Variants in UTRN observed in about 807,000 individuals in gnomAD.
UTRN encodes utrophin, also known as dystrophin-related protein 1.
UTRN carries 283 observed loss-of-function variants against 463.9 expected under a neutral mutation model. That is an observed-to-expected ratio of 0.61 (90% CI 0.55 to 0.67). UTRN has a LOEUF of 0.67. Ranked by LOEUF, UTRN falls within the 30% of genes least tolerant of loss-of-function variation. The probability of loss-of-function intolerance (pLI) is 0.00; values close to 1 mark genes in which losing one functional copy is unlikely to be tolerated. For synonymous variants in UTRN, 1,442 were observed against 1,431.5 expected (o/e 1.01, Z -0.17); for missense variants, 3,922 against 4,084.3 (o/e 0.96, Z 1.08).
chr6:144,623,801 A>G (rs1376417235), intron 51 of UTRN, among the ~76,000 whole-genome samples: 1 of 152,220 alleles, frequency 6.6e-6, no homozygotes, highest in Non-Finnish European at 1.5e-5. Context: ...TCTTGGGAAA[A>G]TTATCCTGCA....
chr6:144,794,274 C>T (rs921013017), intron 63 of UTRN, among the ~76,000 whole-genome samples: 13 of 152,086 alleles, frequency 8.5e-5, no homozygotes, highest in African/African-American at 3.1e-4. Context: ...CCTACCATTC[C>T]TCTCCTTGCT....
At position 144,436,048 on chromosome 6, in the gene UTRN, C is replaced by T. The variant is rs756346725; in HGVS notation, c.969C>T (p.Thr323=). ...AGATTGCGTTGGAGGAAGTGCTGACCTGGTTGCTTTCTGCTGAGGACACTT... is the reference window on the plus strand; with the variant it reads ...AGATTGCGTTGGAGGAAGTGCTGACTTGGTTGCTTTCTGCTGAGGACACTT... The part of the protein sequence containing the change: ...SYQIALEEVL[T]WLLSAEDTFQ... The change falls in exon 10 of 75, where the codon ACC becomes ACT. Residue 323 remains threonine, a synonymous_variant. Coordinates refer to ENST00000367545, the MANE Select transcript of UTRN (RefSeq NM_007124.3). 2 of 1,614,208 alleles carry T rather than the reference C, an allele frequency of 1.2e-6. No individual in the cohort carries two copies. Among genetic ancestry groups the T allele is most frequent in the South Asian group, 2.2e-5 (2 of 91,080 alleles).
chr6:144,660,193 G>T, intron 51 of UTRN: 1 of 470,654 alleles, frequency 2.1e-6, no homozygotes, highest in South Asian at 1.5e-5. Flanking sequence ...GAAGTTTGCC[G>T]GAAAGATGTA....
chr6:144,292,559 C>T (rs1353859308), intron 2 of UTRN, among the ~76,000 whole-genome samples: 6 of 152,046 alleles, frequency 3.9e-5, no homozygotes, highest in African/African-American at 9.7e-5. Context: ...TTTTAAAAAA[C>T]GCAGATGCAT....
At chr6:144,749,888 A>T (rs1458580239) in intron 55 of UTRN, among the ~76,000 whole-genome samples, 1 of 152,170 alleles carries the variant, frequency 6.6e-6, no homozygotes, top group African/African-American at 2.4e-5. Flanking sequence ...TTTGAAATAA[A>T]ATAGGCTATT....
intron 45 of UTRN, among the ~76,000 whole-genome samples, chr6:144,540,338 C>T (rs1374037980): frequency 3.3e-5 from 5 of 152,028 alleles, no homozygotes; most frequent in East Asian, 1.9e-4. Context: ...ATGGATATGT[C>T]TCTGTCCTTG....
intron 2 of UTRN, among the ~76,000 whole-genome samples, chr6:144,382,764 G>A (rs930416867): frequency 1.3e-5 from 2 of 152,188 alleles, no homozygotes; most frequent in African/African-American, 2.4e-5. Flanking sequence ...TTAGCCCTGT[G>A]TCTGGCACAT....
chr6:144,581,815 A>G (rs907791899), intron 51 of UTRN, among the ~76,000 whole-genome samples: 1 of 152,220 alleles, frequency 6.6e-6, no homozygotes, highest in African/African-American at 2.4e-5. Context: ...TACCTCAGAA[A>G]GAAACCCCTT....
intron 50 of UTRN, among the ~76,000 whole-genome samples, chr6:144,567,957 A>G (rs1021861684): frequency 3.3e-5 from 5 of 152,200 alleles, no homozygotes; most frequent in African/African-American, 1.2e-4. Flanking sequence ...AGTATTATTT[A>G]ACATCTTTAA....
chr6:144,525,319 C>CT (rs928176184), intron 41 of UTRN, among the ~76,000 whole-genome samples: 1 of 151,504 alleles, frequency 6.6e-6, no homozygotes, highest in African/African-American at 2.4e-5. Context: ...GGGTCCTGGG[C>CT]TTTTTTTTGC....
intron 51 of UTRN, among the ~76,000 whole-genome samples, chr6:144,595,307 TA>T (rs1803527396): frequency 6.6e-6 from 1 of 152,198 alleles, no homozygotes. Context: ...TTCCTATGAA[TA>T]AAAACAACAA....
chr6:144,473,108 C>T (rs1790838373), intron 23 of UTRN, among the ~76,000 whole-genome samples: 1 of 152,170 alleles, frequency 6.6e-6, no homozygotes, highest in Admixed American at 6.5e-5. Context: ...GTTACCTTCT[C>T]TCTAAAGTCT....
intron 73 of UTRN, among the ~76,000 whole-genome samples, chr6:144,844,201 A>C (rs1234286955): frequency 6.6e-6 from 1 of 152,164 alleles, no homozygotes; most frequent in East Asian, 1.9e-4. Context: ...AAACCTTTTA[A>C]AAATTGATGC....
intron 2 of UTRN, among the ~76,000 whole-genome samples, chr6:144,344,568 C>T (rs943997719): frequency 1.3e-5 from 2 of 152,182 alleles, no homozygotes; most frequent in South Asian, 2.1e-4. Context: ...CTTCCAGGAT[C>T]CCTATATTTG....
At position 144,499,281 on chromosome 6, in the gene UTRN, G is replaced by A; in HGVS notation, c.4618G>A (p.Glu1540Lys). 7 of 1,612,482 alleles carry A rather than the reference G, an allele frequency of 4.3e-6. No homozygotes were observed. Among genetic ancestry groups the A allele is most frequent in the Non-Finnish European group, 5.9e-6 (7 of 1,178,950 alleles). The change falls in exon 34 of 75, where the codon GAA becomes AAA. Residue 1540 changes from glutamate to lysine, a missense_variant. Glu to Lys is a moderately conservative substitution (Grantham distance 56, BLOSUM62 1). This residue lies in a region of UTRN where 2,349 missense variants were observed against 2,303.8 expected (regional missense o/e 1.02). Coordinates refer to ENST00000367545, the MANE Select transcript of UTRN (RefSeq NM_007124.3). ...GGTGACAGAAGGAAAACAGGATCTGGAAAGAGCATCACAGTTGGCCCGGAA... is the reference window on the plus strand; with the variant it reads ...GGTGACAGAAGGAAAACAGGATCTGAAAAGAGCATCACAGTTGGCCCGGAA... ...AQVTEGKQDL[E>K]RASQLARKMK...
intron 73 of UTRN, among the ~76,000 whole-genome samples, chr6:144,841,575 T>A (rs1781578550): frequency 6.6e-6 from 1 of 152,144 alleles, no homozygotes; most frequent in Non-Finnish European, 1.5e-5. Flanking sequence ...AATATATACA[T>A]ACAAGTAAAC....
chr6:144,828,278 G>A (rs1780364113), intron 68 of UTRN, among the ~76,000 whole-genome samples: 1 of 152,110 alleles, frequency 6.6e-6, no homozygotes, highest in Non-Finnish European at 1.5e-5. Context: ...ATACTCAAAA[G>A]CATTGAGCTG....
At chr6:144,580,260 C>A (rs1380378949) in intron 51 of UTRN, among the ~76,000 whole-genome samples, 2 of 136,438 alleles carry the variant, frequency 1.5e-5, no homozygotes, top group African/African-American at 2.9e-5. Flanking sequence ...AGTCTTTGTG[C>A]ACTAAGGAAG....
chr6:144,574,951 A>G (rs570016914), intron 50 of UTRN, among the ~76,000 whole-genome samples: 50 of 152,220 alleles, frequency 3.3e-4, no homozygotes, highest in African/African-American at 1.1e-3. Flanking sequence ...TCACTAATGC[A>G]TGGTTAACTT....
Sources: allele counts gnomAD v4.1 joint callset (sites outside exome capture counted in the v4.1 genomes callset), GRCh38; gene constraint gnomAD v4.1.1; regional missense constraint gnomAD v4.1.1; transcripts MANE v1.5; gene names NCBI Gene and HGNC (gene_info 2026-07-23, HGNC 2026-07-21).